The following HACD3 variants were observed in gnomAD, a reference collection of about 807,000 sequenced individuals.
HACD3 encodes very-long-chain (3R)-3-hydroxyacyl-CoA dehydratase 3.
A neutral mutation model predicts 55.2 loss-of-function variants in HACD3; 30 were observed. The ratio of observed to expected loss-of-function variants is 0.54; its 90% CI spans 0.41 to 0.74. The LOEUF (loss-of-function observed/expected upper bound fraction) is 0.74, where lower values mean the gene tolerates loss of function less well. Among genes scored for constraint, HACD3 ranks in the 30% least tolerant of loss-of-function variants. The probability of loss-of-function intolerance (pLI) is 0.00; values close to 1 mark genes in which losing one functional copy is unlikely to be tolerated. For missense variants in HACD3, 363 were observed against 440.1 expected (o/e 0.82, Z 1.57); for synonymous variants, 141 against 151.7 (o/e 0.93, Z 0.52).
chr15:65,540,428 A>C (rs1567331416), intron 1 of HACD3, among the ~76,000 whole-genome samples: 1 of 152,218 alleles, frequency 6.6e-6, no homozygotes. Context: ...TAATTGGTAG[A>C]GGCTATTTTA....
rs372979192 is a variant in HACD3 at position 65,578,235 on chromosome 15, T to C, written c.*1856T>C. The C allele has an allele frequency of 6.6e-6, 1 of 152,262 alleles. No individual in the cohort carries two copies. The allele number at this position is 152,262 out of a possible 1,614,324, so 9.4% of individuals were successfully genotyped here. A position where few individuals can be genotyped will look rare whatever the true frequency, so the allele number is the denominator to read the frequency against. On this transcript the variant is annotated 3_prime_UTR_variant, in exon 11 of 11. Coordinates refer to ENST00000261875, the MANE Select transcript of HACD3 (RefSeq NM_016395.4). Reference sequence around the variant, plus strand: ...TGGGCAGATCAGCTTTGCAGTAGATTATGCTGCATCCTCGTGGCAAAATTC... The same window carrying C: ...TGGGCAGATCAGCTTTGCAGTAGATCATGCTGCATCCTCGTGGCAAAATTC...
chr15:65,537,638 A>G (rs2071967498), intron 1 of HACD3, among the ~76,000 whole-genome samples: 1 of 151,332 alleles, frequency 6.6e-6, no homozygotes, highest in Non-Finnish European at 1.5e-5. Flanking sequence ...TAAAAAATAA[A>G]AAAAATTAGC....
At chr15:65,558,813 A>T in intron 5 of HACD3, 82 bp downstream of exon 5, 1 of 1,475,106 alleles carries the variant, frequency 6.8e-7, no homozygotes, top group Non-Finnish European at 9.3e-7. Flanking sequence ...GTGGCAGGAG[A>T]GCTAATGATT....
chr15:65,571,066 A>G lies in HACD3; in HGVS notation c.774-482A>G, dbSNP rs118179326. ...TCCAGTTATCACACTTATGAGCTATAAAAGGATCAGATTATGGGTCCTTAA... is the reference window on the plus strand; with the variant it reads ...TCCAGTTATCACACTTATGAGCTATGAAAGGATCAGATTATGGGTCCTTAA... On this transcript the variant is annotated intron_variant, in intron 8 of 10. Transcript: ENST00000261875. Among the ~76,000 whole-genome samples, 205 of 152,358 alleles carry G rather than the reference A, an allele frequency of 1.3e-3. 2 individuals are homozygous for G. The highest frequency in any genetic ancestry group is 6.0e-3 in the South Asian group (29 of 4,828).
intron 1 of HACD3, among the ~76,000 whole-genome samples, chr15:65,544,802 A>G (rs2072057805): frequency 6.6e-6 from 1 of 152,150 alleles, no homozygotes; most frequent in Non-Finnish European, 1.5e-5. Context: ...CCAGCAGATC[A>G]CCAGAGGTCG....
intron 1 of HACD3, among the ~76,000 whole-genome samples, chr15:65,535,484 TTTTATTGTGCTTTGC>T (rs749586179): frequency 1.3e-5 from 2 of 152,312 alleles, no homozygotes; most frequent in South Asian, 2.1e-4. Context: ...GCATACCTTG[TTTTATTGTGCTTTGC>T]TTTATTGTGC....
intron 1 of HACD3, chr15:65,550,844 T>C (rs2141212600): frequency 6.6e-6 from 1 of 152,382 alleles, no homozygotes; most frequent in South Asian, 2.1e-4. Context: ...TGCCTCTTGC[T>C]TGTTAACCTT....
intron 1 of HACD3, chr15:65,535,704 T>G: frequency 2.1e-6 from 1 of 479,688 alleles, no homozygotes; most frequent in East Asian, 3.3e-5. Context: ...TTAACTTTTT[T>G]TTTTTTTTTG....
intron 5 of HACD3, among the ~76,000 whole-genome samples, chr15:65,558,983 A>G (rs559813221): frequency 1.8e-4 from 28 of 151,920 alleles, no homozygotes; most frequent in Non-Finnish European, 3.5e-4. Context: ...GAATGAAAGA[A>G]CTCCTGGACT....
intron 2 of HACD3, among the ~76,000 whole-genome samples, 186 bp from the exon 3 acceptor site, chr15:65,554,701 G>T (rs552547733): frequency 6.6e-6 from 1 of 152,154 alleles, no homozygotes; most frequent in African/African-American, 2.4e-5. Context: ...CATGAACCCG[G>T]GAGGCGGAGC....
At chr15:65,535,328 AAC>A (rs2071943811) in intron 1 of HACD3, among the ~76,000 whole-genome samples, 1 of 152,226 alleles carries the variant, frequency 6.6e-6, no homozygotes, top group Non-Finnish European at 1.5e-5. Context: ...CTATTTAAAG[AAC>A]ACCTACAGAC....
intron 1 of HACD3, among the ~76,000 whole-genome samples, chr15:65,543,986 C>T (rs2072047427): frequency 6.6e-6 from 1 of 152,076 alleles, no homozygotes; most frequent in Non-Finnish European, 1.5e-5. Flanking sequence ...ACCATCCTGG[C>T]TAACATGGTG....
At chr15:65,542,000 G>A (rs1052669012) in intron 1 of HACD3, among the ~76,000 whole-genome samples, 1 of 152,060 alleles carries the variant, frequency 6.6e-6, no homozygotes, top group Non-Finnish European at 1.5e-5. Flanking sequence ...GGAGGCCGAG[G>A]TGGGCAGACC....
At chr15:65,542,912 A>G (rs2072035518) in intron 1 of HACD3, among the ~76,000 whole-genome samples, 1 of 152,058 alleles carries the variant, frequency 6.6e-6, no homozygotes, top group South Asian at 2.1e-4. Flanking sequence ...TGTCTCTACT[A>G]AAAATACAGA....
At chr15:65,556,576 T>C (rs570892640) in intron 3 of HACD3, among the ~76,000 whole-genome samples, 163 bp from the exon 4 acceptor site, 22 of 152,046 alleles carry the variant, frequency 1.4e-4, no homozygotes, top group Admixed American at 7.2e-4. Flanking sequence ...GGCCCAGGAG[T>C]TGGAGACCCC....
chr15:65,558,538 A>T, intron 4 of HACD3, 142 bp from the exon 5 acceptor site: 1 of 737,458 alleles, frequency 1.4e-6, no homozygotes, highest in Non-Finnish European at 2.3e-6. Flanking sequence ...CCTATGACCT[A>T]GAATATTCTC....
At chr15:65,547,265 C>T (rs1165647105) in intron 1 of HACD3, among the ~76,000 whole-genome samples, 5 of 152,066 alleles carry the variant, frequency 3.3e-5, no homozygotes, top group African/African-American at 1.2e-4. Flanking sequence ...TACAGGCGCA[C>T]GCCATCATGC....
intron 1 of HACD3, among the ~76,000 whole-genome samples, chr15:65,549,307 G>T (rs529603830): frequency 6.5e-4 from 98 of 151,890 alleles, no homozygotes; most frequent in African/African-American, 2.2e-3. Context: ...GTCAAACCCA[G>T]CCTGGTGCGG....
In HACD3 at chr15:65,576,677, A is replaced by AT. The variant is rs967141832; in HGVS notation, c.*307dup. On this transcript the variant is annotated 3_prime_UTR_variant, in exon 11 of 11. Transcript: ENST00000261875. ...TCAGTCTGTCTAATACATGCCAGAG[A>AT]TTTTTTTTTCAAAAAGTGCTTTATC... The AT allele has an allele frequency of 1.0e-3, 333 of 321,186 alleles. No individual in the cohort carries two copies. Among genetic ancestry groups the AT allele is most frequent in the Middle Eastern group, 2.7e-3 (3 of 1,122 alleles). 19.9% of individuals were successfully genotyped at this position (321,186 alleles called of 1,614,324 possible). A position where few individuals can be genotyped will look rare whatever the true frequency, so the allele number is the denominator to read the frequency against.
Sources: allele counts gnomAD v4.1 joint callset (sites outside exome capture counted in the v4.1 genomes callset), GRCh38; gene constraint gnomAD v4.1.1; transcripts MANE v1.5; gene names NCBI Gene and HGNC (gene_info 2026-07-23, HGNC 2026-07-21).